NLGN1: variants seen among roughly 807,000 people sequenced by gnomAD.
NLGN1 encodes the protein neuroligin 1, also known as neuroligin-1.
A neutral mutation model predicts 65.5 loss-of-function variants in NLGN1; 12 were observed. The observed-to-expected ratio is 0.18, with a 90% CI of 0.12 to 0.30. The LOEUF is 0.30. NLGN1 is among the 10% of genes least tolerant of loss of function. The probability of loss-of-function intolerance (pLI) is 1.00; values close to 1 mark genes in which losing one functional copy is unlikely to be tolerated. For synonymous variants in NLGN1, 350 were observed against 359.5 expected (o/e 0.97, Z 0.30); for missense variants, 750 against 1,007.1 (o/e 0.74, Z 3.46).
At chr3:174,007,949 A>AGTGT (rs5854543) in intron 4 of NLGN1, among the ~76,000 whole-genome samples, 6 of 148,840 alleles carry the variant, frequency 4.0e-5, no homozygotes, top group African/African-American at 1.2e-4. Flanking sequence ...GACCAGTCTA[A>AGTGT]GTGTGTGTGT....
intron 4 of NLGN1, among the ~76,000 whole-genome samples, chr3:174,171,398 A>G (rs556040104): frequency 1.3e-5 from 2 of 152,270 alleles, no homozygotes; most frequent in East Asian, 3.9e-4. Context: ...TATTGTGAAT[A>G]TGCCCCTTCT....
At chr3:174,154,191 A>C (rs561319699) in intron 4 of NLGN1, among the ~76,000 whole-genome samples, 1 of 152,214 alleles carries the variant, frequency 6.6e-6, no homozygotes, top group East Asian at 1.9e-4. Context: ...TGACGTCAGC[A>C]GAAGGCATCC....
At chr3:174,124,668 T>C (rs554925709) in intron 4 of NLGN1, among the ~76,000 whole-genome samples, 1 of 148,252 alleles carries the variant, frequency 6.7e-6, no homozygotes, top group Non-Finnish European at 1.5e-5. Context: ...TATATGTATA[T>C]GTGTATATAC....
intron 3 of NLGN1, among the ~76,000 whole-genome samples, chr3:173,621,463 T>C (rs2149504298): frequency 6.6e-6 from 1 of 152,166 alleles, no homozygotes; most frequent in South Asian, 2.1e-4. Flanking sequence ...ATCAGAACCC[T>C]GGAGGGTCAG....
At chr3:173,928,672 ATTT>A (rs34589178) in intron 4 of NLGN1, among the ~76,000 whole-genome samples, 4 of 134,524 alleles carry the variant, frequency 3.0e-5, no homozygotes, top group Non-Finnish European at 3.2e-5. Flanking sequence ...GACATAGTTA[ATTT>A]TTTTTTTTTT....
chr3:173,832,152 C>T (rs1722723181), intron 4 of NLGN1, among the ~76,000 whole-genome samples: 1 of 150,850 alleles, frequency 6.6e-6, no homozygotes, highest in Admixed American at 6.6e-5. Flanking sequence ...ACTGTAGAGA[C>T]AGGGTCTCAC....
intron 2 of NLGN1, among the ~76,000 whole-genome samples, chr3:173,438,986 A>G (rs912443089): frequency 6.6e-6 from 1 of 152,246 alleles, no homozygotes; most frequent in Non-Finnish European, 1.5e-5. Context: ...ACAATTTATC[A>G]GAGATACTCA....
chr3:173,711,335 G>T (rs1768941328), intron 3 of NLGN1, among the ~76,000 whole-genome samples: 1 of 152,118 alleles, frequency 6.6e-6, no homozygotes, highest in Admixed American at 6.5e-5. Context: ...TGTGTAAGTT[G>T]TTTTCAGTTC....
intron 4 of NLGN1, among the ~76,000 whole-genome samples, chr3:173,990,370 A>G (rs1401146067): frequency 6.6e-6 from 1 of 152,176 alleles, no homozygotes; most frequent in Non-Finnish European, 1.5e-5. Flanking sequence ...GATTGAAGAC[A>G]CTTACAAAAG....
chr3:173,601,848 G>A (rs56935034), intron 2 of NLGN1, among the ~76,000 whole-genome samples: 12,330 of 151,990 alleles, frequency 0.081, 1,669 homozygotes, highest in African/African-American at 0.28. Flanking sequence ...AATAAGAATA[G>A]GGTAGATCAT....
chr3:173,536,929 G>T lies in NLGN1; in HGVS notation c.-320-67350G>T, dbSNP rs1465232686. Reference sequence around the variant, plus strand: ...AAGGCCTGAGAAACGAGAGCCAATGGTGTAATTTCCAGTCTGAGTCTGAGT... The same window carrying T: ...AAGGCCTGAGAAACGAGAGCCAATGTTGTAATTTCCAGTCTGAGTCTGAGT... On this transcript the variant is annotated intron_variant, in intron 2 of 6. Coordinates refer to ENST00000457714, the Ensembl canonical transcript of NLGN1. 5.3e-5 allele frequency among the ~76,000 whole-genome samples: 8 copies of T among 152,326 alleles called. No homozygotes were observed. The Middle Eastern group carries it at 0.02, about 389-fold the overall frequency.
chr3:173,868,937 GAAAACCTTGA>G (rs1730688235), intron 4 of NLGN1, among the ~76,000 whole-genome samples: 1 of 152,050 alleles, frequency 6.6e-6, no homozygotes, highest in Non-Finnish European at 1.5e-5. Context: ...GAAATAAAAG[GAAAACCTTGA>G]AAACACCCTG....
intron 2 of NLGN1, among the ~76,000 whole-genome samples, chr3:173,476,915 T>A (rs1482502157): frequency 6.6e-6 from 1 of 152,178 alleles, no homozygotes; most frequent in Non-Finnish European, 1.5e-5. Flanking sequence ...GGTTGTTAAC[T>A]GAGTCAACGT....
intron 4 of NLGN1, among the ~76,000 whole-genome samples, chr3:174,171,865 T>G (rs570115086): frequency 6.6e-6 from 1 of 152,304 alleles, no homozygotes; most frequent in African/African-American, 2.4e-5. Flanking sequence ...GGTCACCAGC[T>G]TGGATGACAA....
rs545046243 is a variant in NLGN1, at chr3:174,175,466, G to T, written c.647-99849G>T. On this transcript the variant is annotated intron_variant, in intron 4 of 6. Coordinates refer to ENST00000457714, the Ensembl canonical transcript of NLGN1. The stretch of plus-strand genomic sequence containing the variant: ...AATATAGCTACTCCTGCTCTTTCTG[G>T]GTTTCCATTGGCATGGAATATCTTT... Among the ~76,000 whole-genome samples the T allele has an allele frequency of 3.3e-5, 5 of 151,556 alleles. No individual in the cohort carries two copies. The South Asian group carries it at 1.0e-3, about 32-fold the overall frequency.
chr3:173,891,044 A>G (rs570835264), intron 4 of NLGN1, among the ~76,000 whole-genome samples: 1 of 152,320 alleles, frequency 6.6e-6, no homozygotes, highest in South Asian at 2.1e-4. Context: ...TTTATTCTTT[A>G]TGGTGAAGGA....
At chr3:173,844,053 A>G (rs1310675898) in intron 4 of NLGN1, among the ~76,000 whole-genome samples, 1 of 152,222 alleles carries the variant, frequency 6.6e-6, no homozygotes, top group Non-Finnish European at 1.5e-5. Flanking sequence ...TACATGGATG[A>G]CAGCAGGCAA....
intron 3 of NLGN1, chr3:173,685,810 T>C (rs1018893457): frequency 3.0e-6 from 3 of 984,874 alleles, no homozygotes; most frequent in East Asian, 1.1e-4. Context: ...AATGAGAGGG[T>C]TGAATGTGAA....
intron 2 of NLGN1, among the ~76,000 whole-genome samples, chr3:173,554,401 T>C (rs1214530391): frequency 6.6e-6 from 1 of 152,280 alleles, no homozygotes; most frequent in East Asian, 1.9e-4. Context: ...ATACCCACTG[T>C]AGAGTATTTC....
Sources: gnomAD v4.1 joint callset for allele counts (sites outside exome capture counted in the v4.1 genomes callset) on GRCh38, gnomAD v4.1.1 for gene constraint, MANE v1.5 for transcripts, NCBI Gene and HGNC (gene_info 2026-07-23, HGNC 2026-07-21) for gene names.